KCNMA1: variants seen among roughly 807,000 people sequenced by gnomAD.
The protein encoded by KCNMA1 is Calcium-activated potassium channel subunit alpha-1.
KCNMA1 carries 29 observed loss-of-function variants against 140.0 expected under a neutral mutation model. That is an observed-to-expected ratio of 0.21 (90% CI 0.15 to 0.28). The LOEUF is 0.28. Among genes scored for constraint, KCNMA1 ranks in the 10% least tolerant of loss-of-function variants. The pLI is 1.00. For synonymous variants in KCNMA1, 612 were observed against 611.9 expected, an observed-to-expected ratio of 1.00 and a Z score of 0.00; for missense variants, 880 against 1,602.2, an observed-to-expected ratio of 0.55 and a Z score of 7.70.
chr10:76,989,709 T>C (rs1170637178), intron 19 of KCNMA1, among the ~76,000 whole-genome samples: 1 of 152,220 alleles, frequency 6.6e-6, no homozygotes, highest in African/African-American at 2.4e-5. Flanking sequence ...TTATAGTCTG[T>C]TATACTAAGC....
intron 18 of KCNMA1, among the ~76,000 whole-genome samples, chr10:77,009,437 G>A (rs779251820): frequency 1.8e-4 from 27 of 152,118 alleles, no homozygotes; most frequent in Non-Finnish European, 1.9e-4. Context: ...CCACTATGGC[G>A]TCCTATGAGG....
intron 2 of KCNMA1, among the ~76,000 whole-genome samples, chr10:77,290,581 C>G (rs1165036055): frequency 6.6e-6 from 1 of 152,072 alleles, no homozygotes; most frequent in Non-Finnish European, 1.5e-5. Context: ...GTGCACAGAC[C>G]CATAATTGGG....
intron 2 of KCNMA1, among the ~76,000 whole-genome samples, chr10:77,322,336 G>T (rs898201671): frequency 6.6e-6 from 1 of 152,218 alleles, no homozygotes; most frequent in Non-Finnish European, 1.5e-5. Flanking sequence ...GAGACTTCAT[G>T]ATGTTGTTAC....
At chr10:77,556,316 C>A (rs2064361191) in intron 1 of KCNMA1, among the ~76,000 whole-genome samples, 1 of 151,832 alleles carries the variant, frequency 6.6e-6, no homozygotes, top group South Asian at 2.1e-4. Context: ...ACCAGCCTGG[C>A]CAACATGGTG....
intron 1 of KCNMA1, among the ~76,000 whole-genome samples, chr10:77,557,252 T>C (rs1251221479): frequency 1.3e-5 from 2 of 152,192 alleles, no homozygotes; most frequent in African/African-American, 2.4e-5. Context: ...AAGAACACTA[T>C]GAATCCAGGC....
At chr10:77,200,399 C>A (rs1489585241) in intron 3 of KCNMA1, among the ~76,000 whole-genome samples, 1 of 152,172 alleles carries the variant, frequency 6.6e-6, no homozygotes, top group African/African-American at 2.4e-5. Flanking sequence ...AAAAAAGTAA[C>A]CTATGCACAT....
At chr10:76,947,991 A>T (rs1474267141) in intron 22 of KCNMA1, among the ~76,000 whole-genome samples, 2 of 6,530 alleles carry the variant, frequency 3.1e-4, no homozygotes, top group African/African-American at 2.0e-3. Context: ...CATGTTCCTC[A>T]GTTGTTTCTT....
At chr10:77,415,607 C>T (rs893414360) in intron 1 of KCNMA1, among the ~76,000 whole-genome samples, 1 of 152,344 alleles carries the variant, frequency 6.6e-6, no homozygotes, top group East Asian at 1.9e-4. Flanking sequence ...CCCTCATGTT[C>T]ATAAAAGAAT....
chr10:77,449,041 C>T (rs984976516), intron 1 of KCNMA1, among the ~76,000 whole-genome samples: 5 of 150,426 alleles, frequency 3.3e-5, no homozygotes, highest in South Asian at 2.1e-4. Context: ...GAGCCGAGAT[C>T]GCATCACTGC....
At chr10:77,052,497 C>A (rs555864021) in intron 14 of KCNMA1, among the ~76,000 whole-genome samples, 9 of 152,164 alleles carry the variant, frequency 5.9e-5, no homozygotes, top group African/African-American at 1.7e-4. Context: ...GTACTCCCCA[C>A]ACACTATTCG....
chr10:77,226,243 A>C (rs979378204), intron 3 of KCNMA1, among the ~76,000 whole-genome samples: 1 of 152,140 alleles, frequency 6.6e-6, no homozygotes, highest in African/African-American at 2.4e-5. Flanking sequence ...CTGTAGGTAC[A>C]TATTGCTGTT....
At chr10:77,347,417 A>G (rs1399680785) in intron 2 of KCNMA1, among the ~76,000 whole-genome samples, 1 of 152,244 alleles carries the variant, frequency 6.6e-6, no homozygotes, top group Non-Finnish European at 1.5e-5. Context: ...TCTTAACCAC[A>G]TGAAGAGAAT....
intron 3 of KCNMA1, among the ~76,000 whole-genome samples, chr10:77,211,671 T>C (rs1026418362): frequency 2.0e-5 from 3 of 152,036 alleles, no homozygotes; most frequent in Non-Finnish European, 4.4e-5. Flanking sequence ...AAAGACAACC[T>C]ATAGAATGGG....
chr10:77,233,148 T>C (rs1291051303), intron 3 of KCNMA1, among the ~76,000 whole-genome samples: 2 of 152,238 alleles, frequency 1.3e-5, no homozygotes, highest in Non-Finnish European at 2.9e-5. Context: ...CCTCATTAAA[T>C]GGTCTTGGTA....
intron 1 of KCNMA1, among the ~76,000 whole-genome samples, chr10:77,500,309 T>C (rs1361975659): frequency 6.6e-6 from 1 of 151,784 alleles, no homozygotes; most frequent in Non-Finnish European, 1.5e-5. Context: ...AAATATACCC[T>C]AAACCAAGTG....
chr10:77,554,597 C>CAAA (rs59754706), intron 1 of KCNMA1, among the ~76,000 whole-genome samples: 150 of 83,908 alleles, frequency 1.8e-3, no homozygotes, highest in Middle Eastern at 5.6e-3. Context: ...TACTCCATCT[C>CAAA]AAAAAAAAAA....
intron 2 of KCNMA1, among the ~76,000 whole-genome samples, chr10:77,402,775 CTTTGAG>C (rs949939085): frequency 2.0e-5 from 3 of 152,234 alleles, no homozygotes; most frequent in African/African-American, 7.2e-5. Context: ...CCTGCCTGGT[CTTTGAG>C]CCTCGCAGGC....
At chr10:77,008,268 A>G in intron 18 of KCNMA1, 2 of 1,435,046 alleles carry the variant, frequency 1.4e-6, no homozygotes, top group East Asian at 2.5e-5. Context: ...AATCAAAGAT[A>G]TGTCAATGAT....
chr10:77,022,853 T>TA (rs1389363093), intron 16 of KCNMA1: 5 of 416,374 alleles, frequency 1.2e-5, no homozygotes, highest in African/African-American at 1.0e-4. Context: ...CTGCTAGGGC[T>TA]AGGGGATTGG....
Sources: allele counts gnomAD v4.1 joint callset (sites outside exome capture counted in the v4.1 genomes callset), GRCh38; gene constraint gnomAD v4.1.1; transcripts MANE v1.5; gene names NCBI Gene and HGNC (gene_info 2026-07-23, HGNC 2026-07-21).